Variants in SGSH observed in about 807,000 individuals in gnomAD.
SGSH encodes heparan sulfate sulfatase.
SGSH carries 48 observed loss-of-function variants against 51.0 expected under a neutral mutation model. That is an observed-to-expected ratio of 0.94 (90% CI 0.75 to 1.20). SGSH has a LOEUF of 1.20. SGSH is among the 50% of genes most tolerant of loss of function. SGSH has a pLI of 0.00. For synonymous variants in SGSH, 321 were observed against 313.4 expected, an observed-to-expected ratio of 1.02 and a Z score of -0.26; for missense variants, 662 against 717.8, an observed-to-expected ratio of 0.92 and a Z score of 0.89.
In SGSH at chr17:80,210,577, C is replaced by G; in HGVS notation, c.1384G>C (p.Glu462Gln). Residue 462 changes from glutamate (E) to glutamine (Q), a missense_variant, in exon 8 of 8, where the codon GAG (glutamate) becomes CAG (glutamine). By Grantham distance (29) the Glu-to-Gln change is conservative. Transcript: ENST00000326317. ...ATDPRFAQLL[E>Q]MLRDQLAKWQ... ...TTGGCCAGCTGGTCCCGAAGCATCT[C>G]CAGAAGCTGAGCAAAGCGCGGGTCG... is the stretch of plus-strand genomic sequence containing the variant. 2 of 1,613,298 alleles carry G rather than the reference C, an allele frequency of 1.2e-6. No individual in the cohort carries two copies. The highest frequency in any genetic ancestry group is 4.5e-5 in the East Asian group (2 of 44,864).
chr17:80,212,944 A>T lies in SGSH; in HGVS notation c.746-670T>A, dbSNP rs990946686. On this transcript the variant is annotated intron_variant, in intron 6 of 7. Coordinates refer to ENST00000326317, the MANE Select transcript of SGSH (RefSeq NM_000199.5). The surrounding 1 kb of genome is among the most constrained non-coding windows in gnomAD (Gnocchi z 5.9). ...GGTGCCTCACACCTGTAATCCCAGC[A>T]CTTTGGGAGGCTGAGGTGGGCGGAT... 5 of 157,516 alleles carry T rather than the reference A, an allele frequency of 3.2e-5. No individual in the cohort carries two copies. Among genetic ancestry groups the T allele is most frequent in the African/African-American group, 9.6e-5 (4 of 41,470 alleles). 9.8% of individuals were successfully genotyped at this position (157,516 alleles called of 1,614,324 possible).
chr17:80,205,614 T>C, downstream of SGSH: 1 of 1,493,974 alleles, frequency 6.7e-7, no homozygotes, highest in Non-Finnish European at 9.0e-7. Context: ...GGGCCGCTGC[T>C]GGGTGACCCG....
downstream of SGSH, chr17:80,203,648 G>C (rs1034415641): frequency 1.8e-6 from 1 of 545,520 alleles, no homozygotes; most frequent in Non-Finnish European, 3.3e-6. This position sits in a 1 kb window ranked among gnomAD's most constrained non-coding sequence, Gnocchi z 4.6. Flanking sequence ...CTGGAGACTG[G>C]CATGGCCGCC....
Position 80,214,595 on chromosome 17 carries a change from G to A in SGSH, c.506+20C>T, listed in dbSNP as rs1275970851. The A allele has an allele frequency of 6.2e-7, 1 of 1,609,142 alleles. No individual in the cohort carries two copies. Among genetic ancestry groups the A allele is most frequent in the Non-Finnish European group, 8.5e-7 (1 of 1,177,930 alleles). ...TGGTACCGGCCGCCAGGGGGAAGGG[G>A]CAGGGGCCCCGACTCATACCGGTCA... On this transcript the variant is annotated intron_variant, in intron 4 of 7. Coordinates refer to ENST00000326317, the MANE Select transcript of SGSH (RefSeq NM_000199.5).
downstream of SGSH, among the ~76,000 whole-genome samples, chr17:80,207,854 C>T (rs569089916): frequency 2.9e-4 from 44 of 151,174 alleles, no homozygotes; most frequent in Non-Finnish European, 4.9e-4. Flanking sequence ...TAATCCTTGT[C>T]GGCTAAGGAC....
downstream of SGSH, chr17:80,205,683 C>A: frequency 6.6e-7 from 1 of 1,524,706 alleles, no homozygotes; most frequent in Non-Finnish European, 8.8e-7. Context: ...GGCAGGGGAG[C>A]TGTCCTGGGA....
chr17:80,206,298 T>TAAAAAAAATATTTCAACTA (rs2041301815), downstream of SGSH, among the ~76,000 whole-genome samples: 1 of 151,508 alleles, frequency 6.6e-6, no homozygotes. Flanking sequence ...GACCCGTCTC[T>TAAAAAAAATATTTCAACTA]AAAAAAAATT....
chr17:80,204,460 G>A (rs1288563658), downstream of SGSH: 7 of 979,050 alleles, frequency 7.1e-6, no homozygotes. Flanking sequence ...CCAGGATCTG[G>A]TCTTCAAGAA....
At chr17:80,219,161 C>CAAAAAAAAAAAAAAAA (rs11430982) in intron 1 of SGSH, among the ~76,000 whole-genome samples, 1 of 54,260 alleles carries the variant, frequency 1.8e-5, no homozygotes, top group Non-Finnish European at 3.2e-5. Flanking sequence ...CCCTGTCTCA[C>CAAAAAAAAAAAAAAAA]AAAAAAAAAA....
intron 1 of SGSH, among the ~76,000 whole-genome samples, chr17:80,218,067 C>T (rs1442154508): frequency 6.6e-6 from 1 of 152,256 alleles, no homozygotes; most frequent in Non-Finnish European, 1.5e-5. Context: ...GATACCCCAG[C>T]AGGCATGCTA....
chr17:80,208,094 T>G (rs1260064907), downstream of SGSH: 11 of 1,424,146 alleles, frequency 7.7e-6, no homozygotes, highest in Non-Finnish European at 1.0e-5. Flanking sequence ...TCCTGGGCCC[T>G]TGCTCTCCCC....
downstream of SGSH, chr17:80,206,946 ACTT>A (rs759226431): frequency 5.1e-6 from 8 of 1,567,652 alleles, no homozygotes; most frequent in Admixed American, 1.0e-4. Context: ...ATCTTGACTC[ACTT>A]CTTCTCTCCC....
chr17:80,205,695 G>C, downstream of SGSH: 1 of 1,501,808 alleles, frequency 6.7e-7, no homozygotes, highest in South Asian at 1.3e-5. Context: ...GTCCTGGGAA[G>C]GGTTTCAGGA....
intron 1 of SGSH, chr17:80,219,549 C>G (rs2042050815): frequency 6.6e-6 from 1 of 152,250 alleles, no homozygotes; most frequent in Admixed American, 6.5e-5. Context: ...TGAGCCGAAC[C>G]CCCGCCCAGA....
intron 1 of SGSH, among the ~76,000 whole-genome samples, chr17:80,218,036 T>C (rs2041955736): frequency 6.6e-6 from 1 of 152,218 alleles, no homozygotes; most frequent in Admixed American, 6.5e-5. Flanking sequence ...CATGCAGGCA[T>C]GATGACCCAA....
intron 4 of SGSH, 135 bp downstream of exon 4, chr17:80,214,480 C>A (rs1227255252): frequency 7.8e-6 from 10 of 1,288,454 alleles, no homozygotes; most frequent in South Asian, 1.4e-5. Flanking sequence ...TCTGACCAGG[C>A]TAACTCGAGT....
At chr17:80,207,105 TG>T (rs577659879), downstream of SGSH, 233 of 1,583,006 alleles carry the variant, frequency 1.5e-4, no homozygotes, top group African/African-American at 2.7e-3. Flanking sequence ...CGCTGGGGGC[TG>T]GGCAGGGGCT....
At chr17:80,205,479 C>G (rs1251571678), downstream of SGSH, 1 of 1,560,804 alleles carries the variant, frequency 6.4e-7, no homozygotes, top group African/African-American at 1.4e-5. Flanking sequence ...TGGGACTCCC[C>G]CAGACCCCCA....
chr17:80,214,114 C>G (rs1293615883), intron 5 of SGSH, 58 bp downstream of exon 5: 2 of 1,561,538 alleles, frequency 1.3e-6, no homozygotes, highest in Middle Eastern at 3.3e-4. Context: ...TCGTAGGAGG[C>G]CAGGGTCCCC....
Sources: gnomAD v4.1 joint callset for allele counts (sites outside exome capture counted in the v4.1 genomes callset) on GRCh38, gnomAD v4.1.1 for gene constraint, Gnocchi (gnomAD v3.1) non-coding constraint, MANE v1.5 for transcripts, NCBI Gene and HGNC (gene_info 2026-07-23, HGNC 2026-07-21) for gene names.